The following ARHGAP32 variants were observed in gnomAD, a reference collection of about 807,000 sequenced individuals.
ARHGAP32 encodes the protein rho GTPase-activating protein 32.
ARHGAP32 carries 51 observed loss-of-function variants against 186.5 expected under a neutral mutation model. The ratio of observed to expected loss-of-function variants is 0.27; its 90% CI spans 0.22 to 0.35. ARHGAP32 has a LOEUF of 0.35. Among genes scored for constraint, ARHGAP32 ranks in the 10% least tolerant of loss-of-function variants. ARHGAP32 has a pLI of 1.00. For synonymous variants in ARHGAP32, 950 were observed against 964.3 expected (o/e 0.99, Z 0.27); for missense variants, 2,186 against 2,623.5 (o/e 0.83, Z 3.64).
At chr11:129,009,819 C>T (rs765703653) in intron 11 of ARHGAP32, among the ~76,000 whole-genome samples, 1 of 151,970 alleles carries the variant, frequency 6.6e-6, no homozygotes, top group Non-Finnish European at 1.5e-5. Flanking sequence ...ATCTTTAAAA[C>T]AGAATGATTT....
At chr11:129,111,672 A>C (rs1942220538) in intron 5 of ARHGAP32, among the ~76,000 whole-genome samples, 1 of 151,940 alleles carries the variant, frequency 6.6e-6, no homozygotes, top group Non-Finnish European at 1.5e-5. Context: ...TGGTCTTCCA[A>C]CTTCTTACTG....
At chr11:129,128,853 G>A (rs960014270) in intron 2 of ARHGAP32, among the ~76,000 whole-genome samples, 11 of 152,172 alleles carry the variant, frequency 7.2e-5, no homozygotes, top group South Asian at 2.1e-4. Flanking sequence ...CCGAGGTGCC[G>A]GGATTGCAGA....
chr11:129,267,828 A>G (rs2135721019), intron 1 of ARHGAP32, among the ~76,000 whole-genome samples: 1 of 152,318 alleles, frequency 6.6e-6, no homozygotes, highest in Admixed American at 6.5e-5. Flanking sequence ...TCATGGCAGA[A>G]GGCAAAGGGG....
At chr11:129,087,046 T>C (rs1229756519) in intron 6 of ARHGAP32, among the ~76,000 whole-genome samples, 2 of 152,172 alleles carry the variant, frequency 1.3e-5, no homozygotes, top group Admixed American at 6.5e-5. Flanking sequence ...AATGAAATGC[T>C]ACTACATAAC....
intron 1 of ARHGAP32, among the ~76,000 whole-genome samples, chr11:129,206,878 A>G (rs564922724): frequency 1.3e-5 from 2 of 152,026 alleles, no homozygotes; most frequent in African/African-American, 2.4e-5. Flanking sequence ...TACATTAGGT[A>G]TATCTCCTAA....
intron 6 of ARHGAP32, among the ~76,000 whole-genome samples, chr11:129,084,260 A>G (rs1417662153): frequency 6.6e-6 from 1 of 152,002 alleles, no homozygotes; most frequent in Non-Finnish European, 1.5e-5. Context: ...CTTCCAGAAG[A>G]CAGATGCAGA....
chr11:129,104,017 G>A (rs964177737), intron 5 of ARHGAP32, among the ~76,000 whole-genome samples: 4 of 151,986 alleles, frequency 2.6e-5, no homozygotes, highest in African/African-American at 9.7e-5. Context: ...AGTAACAGAT[G>A]GAACGGTTTA....
intron 1 of ARHGAP32, among the ~76,000 whole-genome samples, chr11:129,265,473 C>A (rs568554393): frequency 1.6e-4 from 24 of 152,280 alleles, no homozygotes; most frequent in African/African-American, 5.1e-4. Context: ...GTTAAGTGTT[C>A]AGAAATCACT....
chr11:128,982,047 C>T, intron 15 of ARHGAP32, 111 bp from the exon 16 acceptor site: 3 of 618,548 alleles, frequency 4.9e-6, no homozygotes, highest in Non-Finnish European at 5.3e-6. Context: ...AAGAAAGGGA[C>T]CATACAAACC....
chr11:128,965,619 A>T lies in ARHGAP32; in HGVS notation c.*3288T>A, dbSNP rs1246105819. ...CATTCCTGACATTTCTGTAACACAC[A>T]GTGCTGAAAATCACATGCCTCTAAC... On this transcript the variant is annotated 3_prime_UTR_variant, in exon 23 of 23. Transcript: ENST00000682385. The T allele has an allele frequency of 1.3e-5, 2 of 152,242 alleles. No individual in the cohort carries two copies. Among genetic ancestry groups the T allele is most frequent in the African/African-American group, 4.8e-5 (2 of 41,460 alleles). The allele number at this position is 152,242 out of a possible 1,614,324, so 9.4% of individuals were successfully genotyped here. A position where few individuals can be genotyped will look rare whatever the true frequency, so the allele number is the denominator to read the frequency against.
chr11:129,015,663 A>C (rs1336950256), intron 11 of ARHGAP32, among the ~76,000 whole-genome samples: 2 of 152,216 alleles, frequency 1.3e-5, no homozygotes, highest in Non-Finnish European at 2.9e-5. Flanking sequence ...CATGTTTTTC[A>C]AATTCAGAAA....
At position 128,972,750 on chromosome 11, in the gene ARHGAP32, A is replaced by T. The variant is rs1435098828; in HGVS notation, c.3756T>A (p.Pro1252=). Residue 1252 remains proline, a synonymous_variant, in exon 22 of 23, where the codon CCT becomes CCA. Transcript: ENST00000682385. The stretch of plus-strand genomic sequence containing the variant: ...GGTAGATTTTATCGCTAGGTAAATT[A>T]GGAGGTGTGGGAGATTTGTCTGCAA... ...LEFADKSPTP[P]NLPSDKIYPP... 1 of 1,613,940 alleles carries T rather than the reference A, an allele frequency of 6.2e-7. No individual in the cohort carries two copies. The highest frequency in any genetic ancestry group is 1.3e-5 in the African/African-American group (1 of 74,894).
chr11:129,141,327 T>A (rs1339280970), intron 2 of ARHGAP32, among the ~76,000 whole-genome samples: 1 of 150,860 alleles, frequency 6.6e-6, no homozygotes, highest in Non-Finnish European at 1.5e-5. Flanking sequence ...TGTAGCGACA[T>A]GGATGAAGCT....
Position 128,969,165 on chromosome 11 carries a change from A to G in ARHGAP32, c.6048T>C (p.Ser2016=). Residue 2016 remains serine (S), a synonymous_variant, in exon 23 of 23, where the codon AGT becomes AGC. Transcript: ENST00000682385. This position sits in a 1 kb window ranked among gnomAD's most constrained non-coding sequence, Gnocchi z 4.8. ...CGTGTGGTTGGTACTGGTACAGCAC[A>G]CTGGGGTCCCTCTCCACGTTCTGGG... ...HHTQNVERDP[S]VLYQYQPHGK... 6.2e-7 allele frequency: 1 copy of G among 1,613,234 alleles called. No homozygotes were observed. The highest frequency in any genetic ancestry group is 8.5e-7 in the Non-Finnish European group (1 of 1,179,570).
In ARHGAP32 at chr11:129,178,183, A is replaced by C. The variant is rs867619196; in HGVS notation, c.117-13756T>G. ...AGAGAGCCAAATCATGAGTGAACTCACATTCACAATTGCTTCAAAGAGAAT... is the reference window on the plus strand; with the variant it reads ...AGAGAGCCAAATCATGAGTGAACTCCCATTCACAATTGCTTCAAAGAGAAT... On this transcript the variant is annotated intron_variant, in intron 1 of 22. Transcript: ENST00000682385. Among the ~76,000 whole-genome samples, 189 of 151,946 alleles carry C rather than the reference A, an allele frequency of 1.2e-3. 1 individual carries two copies. The highest frequency in any genetic ancestry group is 4.4e-3 in the African/African-American group (180 of 41,364).
Position 128,970,717 on chromosome 11 carries a change from G to A in ARHGAP32, c.4496C>T (p.Pro1499Leu). Residue 1499 changes from proline to leucine, a missense_variant, in exon 23 of 23, where the codon CCC becomes CTC. Around this residue, in one of 5 missense-constraint regions of ARHGAP32, gnomAD observed 1,502 missense variants for 1,570.0 expected, o/e 0.96. Coordinates refer to ENST00000682385, the MANE Select transcript of ARHGAP32 (RefSeq NM_001378024.1). This position sits in a 1 kb window ranked among gnomAD's most constrained non-coding sequence, Gnocchi z 5.8. ...ATGCAAACAGTTATCTGGACCAAAG[G>A]GTTCAGTGGTGACATCGGGCCTAGC... is the stretch of plus-strand genomic sequence containing the variant. Reference protein sequence around the residue: ...SFARPDVTTEPFGPDNCLHFN... With the variant: ...SFARPDVTTELFGPDNCLHFN... The A allele has an allele frequency of 6.2e-7, 1 of 1,614,168 alleles. No homozygotes were observed. The highest frequency in any genetic ancestry group is 8.5e-7 in the Non-Finnish European group (1 of 1,180,032).
intron 12 of ARHGAP32, among the ~76,000 whole-genome samples, chr11:128,992,202 A>G (rs972242680): frequency 1.3e-5 from 2 of 152,182 alleles, no homozygotes; most frequent in South Asian, 4.1e-4. Flanking sequence ...CAACACAGAA[A>G]TATGTTCAGG....
chr11:129,157,400 C>T (rs1350032244), intron 2 of ARHGAP32, among the ~76,000 whole-genome samples: 3 of 151,680 alleles, frequency 2.0e-5, no homozygotes, highest in East Asian at 3.9e-4. Flanking sequence ...TTGATGGAGC[C>T]GAGAAACACA....
intron 1 of ARHGAP32, among the ~76,000 whole-genome samples, chr11:129,228,699 G>A (rs1944817430): frequency 6.6e-6 from 1 of 152,066 alleles, no homozygotes; most frequent in Non-Finnish European, 1.5e-5. Context: ...ACACACTGGG[G>A]CTTGTTGGGG....
Sources: gnomAD v4.1 joint callset for allele counts (sites outside exome capture counted in the v4.1 genomes callset) on GRCh38, gnomAD v4.1.1 for gene constraint, gnomAD v4.1.1 regional missense constraint, Gnocchi (gnomAD v3.1) non-coding constraint, MANE v1.5 for transcripts, NCBI Gene and HGNC (gene_info 2026-07-23, HGNC 2026-07-21) for gene names.